Variants in AFAP1L1 observed in about 807,000 individuals in gnomAD.
The protein encoded by AFAP1L1 is actin filament associated protein 1 like 1.
In AFAP1L1, 77 loss-of-function variants were observed where a neutral mutation model predicts 99.8. The ratio of observed to expected loss-of-function variants is 0.77; its 90% CI spans 0.64 to 0.93. The LOEUF (loss-of-function observed/expected upper bound fraction) is 0.93. Ranked by LOEUF, AFAP1L1 falls within the 40% of genes least tolerant of loss-of-function variation. AFAP1L1 has a pLI of 0.00. For synonymous variants in AFAP1L1, 373 were observed against 395.3 expected (o/e 0.94, Z 0.67); for missense variants, 893 against 996.8 (o/e 0.90, Z 1.40).
chr5:149,323,903 C>T (rs866244219), intron 15 of AFAP1L1, among the ~76,000 whole-genome samples: 2 of 152,212 alleles, frequency 1.3e-5, no homozygotes, highest in Admixed American at 6.5e-5. Context: ...CGAATGTCAA[C>T]GACAACAACA....
Position 149,313,523 on chromosome 5 carries a change from C to G in AFAP1L1, c.1020+1319C>G, listed in dbSNP as rs183377320. Among the ~76,000 whole-genome samples the G allele has an allele frequency of 1.6e-3, 239 of 152,298 alleles. 2 individuals carry two copies. The highest frequency in any genetic ancestry group is 5.4e-3 in the African/African-American group (224 of 41,556). ...TAAGAACCGTAGCCAGGATTTGAAC[C>G]CAGACAGTCTAGTTCTTGATGACCA... On this transcript the variant is annotated intron_variant, in intron 9 of 18. Transcript: ENST00000296721.
chr5:149,298,580 T>C (rs925134692), intron 1 of AFAP1L1, among the ~76,000 whole-genome samples: 9 of 152,206 alleles, frequency 5.9e-5, no homozygotes, highest in Admixed American at 3.9e-4. Flanking sequence ...CTGATAATGA[T>C]TGTTCAGTAC....
intron 1 of AFAP1L1, among the ~76,000 whole-genome samples, chr5:149,295,190 CA>C (rs1015995884): frequency 7.2e-5 from 11 of 152,368 alleles, no homozygotes; most frequent in African/African-American, 2.6e-4. Context: ...CTGCTTCTCT[CA>C]GATGCATTCA....
At position 149,340,542 on chromosome 5, in the gene AFAP1L1, A is replaced by G. The variant is rs1757533927; in HGVS notation, c.*512A>G. On this transcript the variant is annotated 3_prime_UTR_variant, in exon 19 of 19. Transcript: ENST00000296721. ...CCCCTGGTCAAGGTAAATAGGTTGA[A>G]CAATCAATAACATTATCCCTGCCTG... The G allele has an allele frequency of 6.4e-6, 1 of 155,102 alleles. No homozygotes were observed. Among genetic ancestry groups the G allele is most frequent in the African/African-American group, 2.4e-5 (1 of 41,522 alleles). 9.6% of individuals were successfully genotyped at this position (155,102 alleles called of 1,614,324 possible).
chr5:149,320,354 T>C lies in AFAP1L1; in HGVS notation c.1626-37T>C, dbSNP rs1756916273. On this transcript the variant is annotated intron_variant, in intron 13 of 18. Transcript: ENST00000296721. This position sits in a 1 kb window ranked among gnomAD's most constrained non-coding sequence, Gnocchi z 4.0. Reference sequence around the variant, plus strand: ...AGCACTGTAAGCTGCAAAGCATCATTGTCATTGTCATTGTCATCGTACATT... The same window carrying C: ...AGCACTGTAAGCTGCAAAGCATCATCGTCATTGTCATTGTCATCGTACATT... 1.3e-6 allele frequency: 2 copies of C among 1,592,704 alleles called. No homozygotes were observed. Among genetic ancestry groups the C allele is most frequent in the East Asian group, 4.5e-5 (2 of 44,738 alleles).
At chr5:149,318,563 T>TCCA (rs774644065) in intron 12 of AFAP1L1, among the ~76,000 whole-genome samples, 28 of 152,336 alleles carry the variant, frequency 1.8e-4, no homozygotes, top group African/African-American at 5.5e-4. Flanking sequence ...CAGCATGATG[T>TCCA]CCAGCACTAG....
At chr5:149,324,874 A>G (rs1049008761) in intron 15 of AFAP1L1, among the ~76,000 whole-genome samples, 1 of 152,246 alleles carries the variant, frequency 6.6e-6, no homozygotes, top group African/African-American at 2.4e-5. Flanking sequence ...AAGCAACCCA[A>G]GAAGGAACAG....
intron 3 of AFAP1L1, among the ~76,000 whole-genome samples, chr5:149,300,714 G>T (rs1756176142): frequency 6.6e-6 from 1 of 152,238 alleles, no homozygotes; most frequent in Non-Finnish European, 1.5e-5. Context: ...ACGGGCATGG[G>T]AGCAGCTGAG....
At chr5:149,339,900 A>G (rs907193704) in intron 18 of AFAP1L1, 107 bp from the exon 19 acceptor site, 1 of 1,246,792 alleles carries the variant, frequency 8.0e-7, no homozygotes, top group Admixed American at 1.9e-5. Context: ...ACCCAACGCA[A>G]CCTGGCTAGT....
chr5:149,322,906 G>C (rs754739628), intron 15 of AFAP1L1, among the ~76,000 whole-genome samples, 189 bp downstream of exon 15: 4 of 152,186 alleles, frequency 2.6e-5, no homozygotes, highest in Non-Finnish European at 4.4e-5. Context: ...TGTGGCCTCA[G>C]AGGGAAAATG....
intron 12 of AFAP1L1, among the ~76,000 whole-genome samples, chr5:149,319,003 A>G (rs1015749395): frequency 6.6e-6 from 1 of 152,176 alleles, no homozygotes; most frequent in Non-Finnish European, 1.5e-5. Context: ...TATTTATCTT[A>G]TACACGAAGG....
intron 1 of AFAP1L1, among the ~76,000 whole-genome samples, chr5:149,282,220 AT>A (rs1377901157): frequency 6.6e-6 from 1 of 152,124 alleles, no homozygotes; most frequent in African/African-American, 2.4e-5. Context: ...GTTCTGGGGA[AT>A]TGATGGACAG....
chr5:149,301,315 C>A, intron 4 of AFAP1L1, 85 bp downstream of exon 4: 2 of 1,311,136 alleles, frequency 1.5e-6, no homozygotes, highest in South Asian at 1.3e-5. Context: ...CCACTGGGTG[C>A]TCTCCTGGCG....
chr5:149,337,278 T>C (rs1757431340), intron 18 of AFAP1L1, among the ~76,000 whole-genome samples: 1 of 152,146 alleles, frequency 6.6e-6, no homozygotes, highest in Non-Finnish European at 1.5e-5. Flanking sequence ...TCGAAATTTG[T>C]TTTAAAAAGT....
chr5:149,327,994 C>T (rs1244248869), intron 15 of AFAP1L1, among the ~76,000 whole-genome samples: 2 of 152,170 alleles, frequency 1.3e-5, no homozygotes, highest in African/African-American at 4.8e-5. Context: ...AAAGAGACAT[C>T]ATGGTAAAAA....
rs1756253483 is a variant in AFAP1L1 at position 149,302,414 on chromosome 5, G to A, written c.328-4G>A. 2.5e-6 allele frequency: 4 copies of A among 1,570,694 alleles called. No individual in the cohort carries two copies. The highest frequency in any genetic ancestry group is 3.5e-6 in the Non-Finnish European group (4 of 1,158,188). On this transcript the variant is annotated splice_polypyrimidine_tract_variant and splice_region_variant and intron_variant, in intron 4 of 18. Coordinates refer to ENST00000296721, the MANE Select transcript of AFAP1L1 (RefSeq NM_152406.4). ...CCCTAGCCCTCTTTTTTGTCCCCTT[G>A]CAGGCGGCCGACCTGCCTCCACCGC...
rs1448894157 is a variant in AFAP1L1 at position 149,307,461 on chromosome 5, G to A, written c.595G>A (p.Gly199Arg). The change falls in exon 7 of 19, where the codon GGG becomes AGG. Residue 199 changes from glycine (G) to arginine (R), a missense_variant. Gly to Arg is a moderately radical substitution (Grantham distance 125). Coordinates refer to ENST00000296721, the MANE Select transcript of AFAP1L1 (RefSeq NM_152406.4). ...YESYDEEEEEGKSPQPRHQWP... is the reference protein window; with the variant it reads ...YESYDEEEEERKSPQPRHQWP... ...GTCCTACGATGAAGAGGAGGAGGAA[G>A]GGAAGAGCCCGCAGCCCCGACACCA... 3 of 1,614,180 alleles carry A rather than the reference G, an allele frequency of 1.9e-6. No individual in the cohort carries two copies. The highest frequency in any genetic ancestry group is 2.5e-6 in the Non-Finnish European group (3 of 1,180,026).
intron 18 of AFAP1L1, among the ~76,000 whole-genome samples, chr5:149,339,428 G>A (rs1288569684): frequency 2.6e-5 from 4 of 152,034 alleles, no homozygotes; most frequent in Non-Finnish European, 4.4e-5. Flanking sequence ...TCCTGACCTC[G>A]TGATCCGCCC....
Position 149,299,640 on chromosome 5 carries a change from T to G in AFAP1L1, c.145+3T>G. ...GCAGAGCCTGCAGCCCCTTCCAGGT[T>G]AGCCGCCAGCAGCCTGCCTGGAGGA... On this transcript the variant is annotated splice_donor_region_variant and intron_variant, in intron 2 of 18. Coordinates refer to ENST00000296721, the MANE Select transcript of AFAP1L1 (RefSeq NM_152406.4). 6.2e-7 allele frequency: 1 copy of G among 1,614,056 alleles called. No individual in the cohort carries two copies. The highest frequency in any genetic ancestry group is 2.2e-5 in the East Asian group (1 of 44,878).
Sources: gnomAD v4.1 joint callset for allele counts (sites outside exome capture counted in the v4.1 genomes callset) on GRCh38, gnomAD v4.1.1 for gene constraint, Gnocchi (gnomAD v3.1) non-coding constraint, MANE v1.5 for transcripts, NCBI Gene and HGNC (gene_info 2026-07-23, HGNC 2026-07-21) for gene names.